Variants in UPP2 observed in about 807,000 individuals in gnomAD.
UPP2 encodes UPase 2.
UPP2 carries 23 observed loss-of-function variants against 26.7 expected under a neutral mutation model. The ratio of observed to expected loss-of-function variants is 0.86; its 90% CI spans 0.62 to 1.22. UPP2 has a LOEUF of 1.22. Among genes scored for constraint, UPP2 ranks in the 50% most tolerant of loss-of-function variants. The probability of loss-of-function intolerance (pLI) is 0.00; values close to 1 mark genes in which losing one functional copy is unlikely to be tolerated. For synonymous variants in UPP2, 127 were observed against 141.3 expected (o/e 0.90, Z 0.72); for missense variants, 387 against 396.7 (o/e 0.98, Z 0.21).
chr2:158,092,803 T>C (rs1682930466), intron 3 of UPP2, among the ~76,000 whole-genome samples: 1 of 152,116 alleles, frequency 6.6e-6, no homozygotes, highest in African/African-American at 2.4e-5. Context: ...TGCAGAAGAG[T>C]ATAGGTATTA....
intron 3 of UPP2, among the ~76,000 whole-genome samples, chr2:158,066,963 A>G (rs1682445913): frequency 6.6e-6 from 1 of 152,182 alleles, no homozygotes; most frequent in Admixed American, 6.5e-5. Context: ...TGTAGCCAAA[A>G]CAATTCTTAA....
chr2:158,129,393 C>T lies in UPP2; in HGVS notation c.812-5355C>T, dbSNP rs939734939. Among the ~76,000 whole-genome samples, 6 of 152,168 alleles carry T rather than the reference C, an allele frequency of 3.9e-5. 1 individual carries two copies. The highest frequency in any genetic ancestry group is 2.1e-4 in the South Asian group (1 of 4,826). On this transcript the variant is annotated intron_variant, in intron 6 of 6. Transcript: ENST00000005756. Reference sequence around the variant, plus strand: ...CTGGAGAAGACAGCAGGTTTTTGAACGAACCAAATCATGTGAGGCATGTAA... The same window carrying T: ...CTGGAGAAGACAGCAGGTTTTTGAATGAACCAAATCATGTGAGGCATGTAA...
At chr2:158,080,608 C>A (rs1682707633) in intron 3 of UPP2, among the ~76,000 whole-genome samples, 1 of 152,196 alleles carries the variant, frequency 6.6e-6, no homozygotes, top group South Asian at 2.1e-4. Flanking sequence ...TGCACTACTC[C>A]CTTCCAACTT....
chr2:158,010,189 C>T (rs932645138), intron 2 of UPP2, among the ~76,000 whole-genome samples: 1 of 152,038 alleles, frequency 6.6e-6, no homozygotes, highest in Non-Finnish European at 1.5e-5. Flanking sequence ...GAAGAAAACC[C>T]GGAAGAAAGA....
intron 2 of UPP2, among the ~76,000 whole-genome samples, chr2:157,996,095 T>C (rs1011192124): frequency 9.2e-5 from 14 of 152,212 alleles, no homozygotes; most frequent in African/African-American, 3.4e-4. Flanking sequence ...TCCTTCTAGC[T>C]GCTTATCAAC....
At chr2:158,071,994 C>T (rs1249221656) in intron 3 of UPP2, among the ~76,000 whole-genome samples, 2 of 152,130 alleles carry the variant, frequency 1.3e-5, no homozygotes, top group African/African-American at 4.8e-5. Flanking sequence ...ACGTATTTGG[C>T]TACAGTAGAG....
At chr2:158,107,598 G>C (rs1683222137) in intron 2 of UPP2, among the ~76,000 whole-genome samples, 1 of 152,080 alleles carries the variant, frequency 6.6e-6, no homozygotes, top group Admixed American at 6.6e-5. Flanking sequence ...TGAGAAAAGG[G>C]GAGGAGGAAG....
chr2:158,036,345 TTCACTACGACTG>T (rs1406752619), intron 3 of UPP2, among the ~76,000 whole-genome samples: 6 of 152,192 alleles, frequency 3.9e-5, no homozygotes, highest in Admixed American at 2.0e-4. Flanking sequence ...ACTCAGCTCC[TTCACTACGACTG>T]TACCCCCGAG....
rs568169035 is a variant in UPP2, at chr2:157,999,950, A to G, written c.61+4691A>G. Among the ~76,000 whole-genome samples the G allele has an allele frequency of 2.0e-5, 3 of 152,308 alleles. No homozygotes were observed. The South Asian group carries it at 6.2e-4, about 32-fold the overall frequency. On this transcript the variant is annotated intron_variant, in intron 2 of 9. Coordinates refer to the UPP2 transcript ENST00000605860. ...GAGGGATTAGGATAAAAAGGGAAGG[A>G]GGGAAGGAGAGAGAGAGGGAGAAAT...
At position 158,134,942 on chromosome 2, in the gene UPP2, G is replaced by A. The variant is rs1289225766; in HGVS notation, c.*52G>A. On this transcript the variant is annotated 3_prime_UTR_variant, in exon 7 of 7. Transcript: ENST00000005756. ...CCCCTGCAAGTTTGTAGCTCAAGTTGTAATGTGAAAGTCATATTTTATTTG... is the reference window on the plus strand; with the variant it reads ...CCCCTGCAAGTTTGTAGCTCAAGTTATAATGTGAAAGTCATATTTTATTTG... 6.5e-7 allele frequency: 1 copy of A among 1,537,864 alleles called. No homozygotes were observed. Among genetic ancestry groups the A allele is most frequent in the South Asian group, 1.3e-5 (1 of 79,012 alleles).
At chr2:158,056,045 T>C (rs1341135838) in intron 3 of UPP2, among the ~76,000 whole-genome samples, 3 of 152,198 alleles carry the variant, frequency 2.0e-5, no homozygotes, top group African/African-American at 7.2e-5. Context: ...ATGATGCCTT[T>C]AGGATGATCG....
At chr2:158,026,953 C>T (rs1331052918) in intron 3 of UPP2, among the ~76,000 whole-genome samples, 1 of 152,144 alleles carries the variant, frequency 6.6e-6, no homozygotes, top group Admixed American at 6.5e-5. Flanking sequence ...TTATTCGCTA[C>T]TACGAGAACA....
In UPP2 at chr2:158,029,050, C is replaced by T. The variant is rs114064553; in HGVS notation, c.147+13164C>T. On this transcript the variant is annotated intron_variant, in intron 3 of 9. Coordinates refer to the UPP2 transcript ENST00000605860. ...GCAGCCAGTCTATCTGTTCACTCGC[C>T]CCTCATTCCACATAATGCACTCACT... 6.9e-3 allele frequency among the ~76,000 whole-genome samples: 1,048 copies of T among 152,294 alleles called. 9 individuals carry two copies. Among genetic ancestry groups the T allele is most frequent in the Middle Eastern group, 0.017 (5 of 294 alleles).
chr2:158,084,225 T>G (rs1348689185), intron 3 of UPP2, among the ~76,000 whole-genome samples: 1 of 152,040 alleles, frequency 6.6e-6, no homozygotes, highest in Non-Finnish European at 1.5e-5. Context: ...GCTCATATTG[T>G]GTTGTGGTTT....
At chr2:158,083,404 A>T (rs28829033) in intron 3 of UPP2, among the ~76,000 whole-genome samples, 1 of 152,174 alleles carries the variant, frequency 6.6e-6, no homozygotes, top group Non-Finnish European at 1.5e-5. Flanking sequence ...TGTCCTTTGC[A>T]GGGACATGGA....
chr2:158,083,870 T>TAC (rs1487724052), intron 3 of UPP2, among the ~76,000 whole-genome samples: 1 of 145,480 alleles, frequency 6.9e-6, no homozygotes, highest in East Asian at 2.0e-4. Flanking sequence ...ATGTTTTTTA[T>TAC]ATATATATAT....
chr2:158,079,651 A>G (rs192853924), intron 3 of UPP2, among the ~76,000 whole-genome samples: 2 of 152,252 alleles, frequency 1.3e-5, no homozygotes, highest in African/African-American at 4.8e-5. Context: ...CATTTCTCTT[A>G]CATACATTTT....
chr2:158,090,063 T>A (rs1193986073), intron 3 of UPP2, among the ~76,000 whole-genome samples: 1 of 152,158 alleles, frequency 6.6e-6, no homozygotes, highest in East Asian at 1.9e-4. Context: ...ACTGAGTGAC[T>A]ACAGTCAACA....
intron 3 of UPP2, among the ~76,000 whole-genome samples, chr2:158,043,421 G>A (rs911148154): frequency 1.3e-5 from 2 of 152,188 alleles, no homozygotes; most frequent in African/African-American, 2.4e-5. Flanking sequence ...TGGCAGATGG[G>A]CAGAGAGAGA....
Sources: gnomAD v4.1 joint callset for allele counts (sites outside exome capture counted in the v4.1 genomes callset) on GRCh38, gnomAD v4.1.1 for gene constraint, MANE v1.5 for transcripts, NCBI Gene and HGNC (gene_info 2026-07-23, HGNC 2026-07-21) for gene names.